Variants in FKBP5 observed in about 807,000 individuals in gnomAD.
FKBP5 encodes the protein FKBP prolyl isomerase 5.
FKBP5 carries 23 observed loss-of-function variants against 50.5 expected under a neutral mutation model. That is an observed-to-expected ratio of 0.46 (90% CI 0.33 to 0.65). FKBP5 has a LOEUF of 0.65. FKBP5 is among the 30% of genes least tolerant of loss of function. The pLI, the probability that FKBP5 is intolerant of heterozygous loss-of-function variation, is 0.02. For missense variants in FKBP5, 411 were observed against 553.1 expected (o/e 0.74, Z 2.58); for synonymous variants, 176 against 190.6 (o/e 0.92, Z 0.63).
chr6:35,709,406 C>T (rs1766377476), intron 2 of FKBP5, among the ~76,000 whole-genome samples: 2 of 152,256 alleles, frequency 1.3e-5, no homozygotes, highest in South Asian at 4.1e-4. Context: ...GCAATGCATA[C>T]AGTATGATAC....
intron 2 of FKBP5, among the ~76,000 whole-genome samples, chr6:35,714,674 G>A (rs1221422811): frequency 7.3e-5 from 11 of 151,378 alleles, no homozygotes; most frequent in Non-Finnish European, 1.5e-4. Flanking sequence ...AAAATTAGCT[G>A]AGCATGGTGG....
At chr6:35,582,239 A>C in intron 8 of FKBP5, 2 of 985,428 alleles carry the variant, frequency 2.0e-6, no homozygotes, top group Non-Finnish European at 2.4e-6. Flanking sequence ...GTCATTCATA[A>C]GAACACGAAA....
chr6:35,605,556 G>A (rs183283501), intron 5 of FKBP5, among the ~76,000 whole-genome samples: 28 of 151,738 alleles, frequency 1.8e-4, no homozygotes, highest in African/African-American at 6.8e-4. Context: ...GCCACTATGT[G>A]TGGCTAATTT....
chr6:35,578,821 T>C (rs1246226150), intron 9 of FKBP5, among the ~76,000 whole-genome samples: 3 of 149,508 alleles, frequency 2.0e-5, no homozygotes, highest in East Asian at 2.0e-4. Flanking sequence ...TTGCCAAAGA[T>C]AGGGTTAATA....
At chr6:35,588,599 CTTTTA>C (rs1166870348) in intron 7 of FKBP5, among the ~76,000 whole-genome samples, 2 of 151,044 alleles carry the variant, frequency 1.3e-5, no homozygotes, top group Non-Finnish European at 3.0e-5. Flanking sequence ...ACAGGATACT[CTTTTA>C]TTTTTTCTTT....
At chr6:35,711,715 A>AT (rs779950919) in intron 2 of FKBP5, among the ~76,000 whole-genome samples, 4 of 152,184 alleles carry the variant, frequency 2.6e-5, no homozygotes, top group Non-Finnish European at 5.9e-5. Flanking sequence ...CTATATTGTG[A>AT]TAGACATTAC....
At chr6:35,656,939 C>T (rs367979213) in intron 1 of FKBP5, among the ~76,000 whole-genome samples, 2 of 146,184 alleles carry the variant, frequency 1.4e-5, no homozygotes, top group African/African-American at 5.1e-5. Flanking sequence ...AAGCCGGGCA[C>T]GGTGGCTCAC....
At chr6:35,607,410 C>A (rs1042333658) in intron 5 of FKBP5, among the ~76,000 whole-genome samples, 14 of 151,256 alleles carry the variant, frequency 9.3e-5, no homozygotes, top group African/African-American at 2.9e-4. Context: ...TACTATGTTG[C>A]CCAGTTTGGT....
intron 5 of FKBP5, among the ~76,000 whole-genome samples, chr6:35,606,860 T>C (rs893917536): frequency 1.3e-5 from 2 of 152,096 alleles, no homozygotes; most frequent in Non-Finnish European, 2.9e-5. Context: ...CATTACTGGG[T>C]ATACAACCAA....
At chr6:35,720,247 T>G (rs537350168) in intron 2 of FKBP5, 1 of 152,490 alleles carries the variant, frequency 6.6e-6, no homozygotes, top group Non-Finnish European at 1.5e-5. Context: ...AGCCTGGGAA[T>G]GGGTGGGGAG....
intron 1 of FKBP5, among the ~76,000 whole-genome samples, chr6:35,656,688 G>T (rs1212745383): frequency 6.6e-6 from 1 of 152,024 alleles, no homozygotes. Context: ...TCAGGAGTTC[G>T]AGATTTGAGA....
At chr6:35,625,929 G>A (rs1307248019) in intron 3 of FKBP5, among the ~76,000 whole-genome samples, 3 of 151,484 alleles carry the variant, frequency 2.0e-5, no homozygotes, top group Non-Finnish European at 4.4e-5. Flanking sequence ...ACAGGCGCTA[G>A]CCACCACTCC....
chr6:35,716,932 A>G (rs6922997), intron 2 of FKBP5, among the ~76,000 whole-genome samples: 3,249 of 152,286 alleles, frequency 0.021, 105 homozygotes, highest in African/African-American at 0.072. Context: ...ATCTGCAGCA[A>G]TGGGAAGAAT....
intron 2 of FKBP5, among the ~76,000 whole-genome samples, chr6:35,697,764 A>G (rs1000260909): frequency 2.0e-5 from 3 of 152,204 alleles, no homozygotes; most frequent in African/African-American, 7.2e-5. Flanking sequence ...TAGGTAAAGA[A>G]TACAGAATTT....
chr6:35,642,808 C>T lies in FKBP5; in HGVS notation c.17G>A (p.Gly6Asp). The T allele has an allele frequency of 1.2e-6, 2 of 1,613,710 alleles. No homozygotes were observed. Among genetic ancestry groups the T allele is most frequent in the Non-Finnish European group, 1.7e-6 (2 of 1,179,846 alleles). The change falls in exon 2 of 11, where the codon GGT (glycine) becomes GAT (aspartate). Residue 6 changes from glycine to aspartate, a missense_variant. Gly to Asp is a moderately conservative substitution (Grantham distance 94, BLOSUM62 -1). This residue lies in a region of FKBP5 where 56 missense variants were observed against 58.2 expected (regional missense o/e 0.96). Coordinates refer to ENST00000357266, the MANE Select transcript of FKBP5 (RefSeq NM_004117.4). ...GGGGCTTTCTTCATTGTTCTTGGCA[C>T]CTTCATCAGTAGTCATTGTCTTTTA... MTTDE[G>D]AKNNEESPTA... is the part of the protein sequence containing the mutation.
At chr6:35,683,118 ATATGTGTGTGTGTGTGTGTGTG>A (rs1390940905) in intron 1 of FKBP5, among the ~76,000 whole-genome samples, 41 of 108,850 alleles carry the variant, frequency 3.8e-4, no homozygotes, top group African/African-American at 9.2e-4. Context: ...ATATATACGT[ATATGTGTGTGTGTGTGTGTGTG>A]TGTGTGTGTG....
intron 1 of FKBP5, among the ~76,000 whole-genome samples, chr6:35,682,246 A>G (rs1030424732): frequency 2.0e-5 from 3 of 152,236 alleles, no homozygotes; most frequent in Middle Eastern, 3.2e-3. Context: ...TTAAACATGG[A>G]AAAACTTAAT....
At chr6:35,687,958 T>TTA (rs1491358430) in intron 1 of FKBP5, among the ~76,000 whole-genome samples, 4 of 152,380 alleles carry the variant, frequency 2.6e-5, no homozygotes, top group African/African-American at 9.6e-5. Context: ...TTTTTGACTC[T>TTA]TATACTGTGA....
intron 5 of FKBP5, among the ~76,000 whole-genome samples, chr6:35,617,578 T>C (rs1763698061): frequency 6.6e-6 from 1 of 152,230 alleles, no homozygotes; most frequent in Non-Finnish European, 1.5e-5. Flanking sequence ...TTGTTCTTAA[T>C]GGAAGTATTT....
Sources: allele counts gnomAD v4.1 joint callset (sites outside exome capture counted in the v4.1 genomes callset), GRCh38; gene constraint gnomAD v4.1.1; regional missense constraint gnomAD v4.1.1; transcripts MANE v1.5; gene names NCBI Gene and HGNC (gene_info 2026-07-23, HGNC 2026-07-21).